The following PPFIA4 variants were observed in gnomAD, a reference collection of about 807,000 sequenced individuals.
PPFIA4 encodes liprin-alpha-4.
Under a neutral mutation model 145.7 loss-of-function variants are expected in PPFIA4, and 98 were observed. The observed-to-expected ratio is 0.67, with a 90% CI of 0.57 to 0.80. The LOEUF (loss-of-function observed/expected upper bound fraction) is 0.80, where lower values mean the gene tolerates loss of function less well. Ranked by LOEUF, PPFIA4 falls within the 30% of genes least tolerant of loss-of-function variation. The pLI is 0.00. For synonymous variants in PPFIA4, 628 were observed against 649.6 expected, an observed-to-expected ratio of 0.97 and a Z score of 0.51; for missense variants, 1,457 against 1,632.7, an observed-to-expected ratio of 0.89 and a Z score of 1.85.
Position 203,048,338 on chromosome 1 carries a change from C to A in PPFIA4, c.1224+28C>A. 3.1e-6 allele frequency: 5 copies of A among 1,603,134 alleles called. No individual in the cohort carries two copies. The highest frequency in any genetic ancestry group is 4.3e-6 in the Non-Finnish European group (5 of 1,174,736). On this transcript the variant is annotated intron_variant, in intron 10 of 29. Coordinates refer to ENST00000295706, the MANE Select transcript of PPFIA4 (RefSeq NM_001304331.2). The surrounding 1 kb of genome is among the most constrained non-coding windows in gnomAD (Gnocchi z 5.8). Reference sequence around the variant, plus strand: ...GAGGGCACCAGGCCGGGCCCTCAGGCCCCCTCCTTCCCGCAGGACAGGCTC... The same window carrying A: ...GAGGGCACCAGGCCGGGCCCTCAGGACCCCTCCTTCCCGCAGGACAGGCTC...
rs757844363 is a variant in PPFIA4 at position 203,046,233 on chromosome 1, C to A, written c.1006-15C>A. 1.3e-6 allele frequency: 2 copies of A among 1,580,438 alleles called. No homozygotes were observed. The highest frequency in any genetic ancestry group is 2.7e-5 in the African/African-American group (2 of 74,254). Reference sequence around the variant, plus strand: ...TGCTCCCTTTTGAATCACTTCACCACCCCCACATTGCTAGTGTGAGGAGAA... The same window carrying A: ...TGCTCCCTTTTGAATCACTTCACCAACCCCACATTGCTAGTGTGAGGAGAA... On this transcript the variant is annotated splice_polypyrimidine_tract_variant and intron_variant, in intron 8 of 29. Transcript: ENST00000295706.
chr1:203,045,289 C>T (rs1226293309), intron 6 of PPFIA4, 79 bp from the exon 7 acceptor site: 6 of 1,309,248 alleles, frequency 4.6e-6, no homozygotes, highest in African/African-American at 1.5e-5. Context: ...TGCTGTTCCT[C>T]CTTCCACCCC....
intron 25 of PPFIA4, among the ~76,000 whole-genome samples, chr1:203,066,976 G>A (rs897439847): frequency 2.0e-5 from 3 of 152,172 alleles, no homozygotes; most frequent in African/African-American, 7.2e-5. Flanking sequence ...AGAGGGATTG[G>A]GAGTATGGGC....
intron 7 of PPFIA4, 97 bp downstream of exon 7, chr1:203,045,656 T>C: frequency 6.9e-7 from 1 of 1,453,014 alleles, no homozygotes; most frequent in Non-Finnish European, 9.2e-7. Flanking sequence ...AACACCTGCC[T>C]CCTTGCCTGG....
intron 2 of PPFIA4, among the ~76,000 whole-genome samples, chr1:203,042,529 C>T (rs747367531): frequency 1.7e-4 from 26 of 152,226 alleles, no homozygotes; most frequent in Non-Finnish European, 3.2e-4. Context: ...CTTATTTCAC[C>T]CGCTACTTGC....
intron 25 of PPFIA4, 47 bp downstream of exon 25, chr1:203,064,050 C>A: frequency 3.2e-6 from 5 of 1,583,036 alleles, no homozygotes; most frequent in Non-Finnish European, 4.3e-6. Flanking sequence ...GGGGGCCTCC[C>A]CTAGCTCTGA....
At chr1:203,044,650 G>A (rs760286973) in intron 5 of PPFIA4, 46 bp from the exon 6 acceptor site, 40 of 1,509,446 alleles carry the variant, frequency 2.6e-5, no homozygotes, top group Non-Finnish European at 3.4e-5. Context: ...ATGTATGGGA[G>A]GTTCTCTTCT....
intron 27 of PPFIA4, among the ~76,000 whole-genome samples, chr1:203,070,271 G>T (rs1472680605): frequency 1.3e-5 from 2 of 151,978 alleles, no homozygotes; most frequent in Non-Finnish European, 2.9e-5. Flanking sequence ...ACCCAATACG[G>T]AATCCCTCAT....
intron 8 of PPFIA4, 107 bp downstream of exon 8, chr1:203,046,094 C>T: frequency 6.4e-7 from 1 of 1,566,486 alleles, no homozygotes; most frequent in Non-Finnish European, 8.7e-7. Flanking sequence ...TGCAGGTCAC[C>T]CTTTGAAAGG....
At chr1:203,061,784 G>C in intron 24 of PPFIA4, 106 bp downstream of exon 24, 1 of 1,227,244 alleles carries the variant, frequency 8.1e-7, no homozygotes, top group South Asian at 1.5e-5. Flanking sequence ...CATATGAAAA[G>C]CCCTGGACAT....
intron 1 of PPFIA4, among the ~76,000 whole-genome samples, chr1:203,031,989 A>G (rs1460819522): frequency 6.6e-6 from 1 of 151,370 alleles, no homozygotes; most frequent in Non-Finnish European, 1.5e-5. Flanking sequence ...TTACTTGTGT[A>G]GCATTCCCAG....
In PPFIA4 at chr1:203,054,051, C is replaced by G. The variant is rs1444298570; in HGVS notation, c.1829+90C>G. On this transcript the variant is annotated intron_variant, in intron 15 of 29. Transcript: ENST00000295706. ...AAACCCTATATGGGTTTGCCCAACT[C>G]TTATAGCTGCAACTTAGAGTACCAC... is the stretch of plus-strand genomic sequence containing the variant. The G allele has an allele frequency of 7.3e-6, 10 of 1,373,328 alleles. No homozygotes were observed. In the Admixed American group the frequency reaches 9.8e-5, roughly 14 times the overall value. 85.1% of individuals were successfully genotyped at this position (1,373,328 alleles called of 1,614,324 possible).
rs950640644 is a variant in PPFIA4 at position 203,035,628 on chromosome 1, T to C, written c.-399-2982T>C. On this transcript the variant is annotated intron_variant, in intron 1 of 29. Transcript: ENST00000295706. The stretch of plus-strand genomic sequence containing the variant: ...TTTGGGGACTGGCAGCTTTCGCCTC[T>C]GAATCAGGACCTGTGAGTGTTACTT... The C allele has an allele frequency of 1.3e-5, 6 of 456,788 alleles. No individual in the cohort carries two copies. In the East Asian group the frequency reaches 4.2e-4, roughly 32 times the overall value. The allele number at this position is 456,788 out of a possible 1,614,324, so 28.3% of individuals were successfully genotyped here.
Position 203,048,519 on chromosome 1 carries a change from C to T in PPFIA4, c.1225-64C>T. 1.3e-6 allele frequency: 2 copies of T among 1,549,788 alleles called. No homozygotes were observed. The highest frequency in any genetic ancestry group is 1.2e-5 in the South Asian group (1 of 84,018). On this transcript the variant is annotated intron_variant, in intron 10 of 29. Transcript: ENST00000295706. This position sits in a 1 kb window ranked among gnomAD's most constrained non-coding sequence, Gnocchi z 5.8. ...GAAGAGGACAGGGGAGGGAGTCAAA[C>T]CCCAGCAGGAGAGGGTGGTCCTCCC...
Position 203,053,951 on chromosome 1 carries a change from G to A in PPFIA4, c.1819G>A (p.Glu607Lys), listed in dbSNP as rs1239278160. ...GCAGGAGCAGCTGGATGCCATCAATGAGGAAATCAGGTTAGGGCAGGGCTG... is the reference window on the plus strand; with the variant it reads ...GCAGGAGCAGCTGGATGCCATCAATAAGGAAATCAGGTTAGGGCAGGGCTG... ...MLQEQLDAIN[E>K]EIRMIQEEKE... Residue 607 changes from glutamate (E) to lysine (K), a missense_variant, in exon 15 of 30, where the codon GAG becomes AAG. Physicochemically the swap from Glu to Lys is moderately conservative, Grantham distance 56. Transcript: ENST00000295706. 1 of 1,563,664 alleles carries A rather than the reference G, an allele frequency of 6.4e-7. No homozygotes were observed. Among genetic ancestry groups the A allele is most frequent in the Non-Finnish European group, 8.7e-7 (1 of 1,153,988 alleles).
In PPFIA4 at chr1:203,053,756, T is replaced by G. The variant is rs1291468650; in HGVS notation, c.1624T>G (p.Trp542Gly). The G allele has an allele frequency of 2.6e-6, 4 of 1,550,454 alleles. No homozygotes were observed. The highest frequency in any genetic ancestry group is 2.6e-6 in the Non-Finnish European group (3 of 1,147,032). The change falls in exon 15 of 30, where the codon TGG (tryptophan) becomes GGG (glycine). Residue 542 changes from tryptophan (W) to glycine (G), a missense_variant. Trp to Gly is a radical substitution (Grantham distance 184). Transcript: ENST00000295706. Reference sequence around the variant, plus strand: ...TTTACCCTCCTCCTTTGCTAAGGACTGGGAGACTTCTCCACTGCCTGGGAT... The same window carrying G: ...TTTACCCTCCTCCTTTGCTAAGGACGGGGAGACTTCTCCACTGCCTGGGAT... ...SALREESAKD[W>G]ETSPLPGMLA...
Position 203,055,616 on chromosome 1 carries a change from A to G in PPFIA4, c.2014A>G (p.Lys672Glu). The G allele has an allele frequency of 6.2e-7, 1 of 1,613,850 alleles. No homozygotes were observed. Among genetic ancestry groups the G allele is most frequent in the Non-Finnish European group, 8.5e-7 (1 of 1,179,834 alleles). ...ACCACTCAGCGGCCGCTCCACACCT[A>G]AGCTCACCTCCCGCAGTGCTGCCCA... is the stretch of plus-strand genomic sequence containing the variant. The part of the protein sequence containing the change: ...SPPLSGRSTP[K>E]LTSRSAAQDL... Residue 672 changes from lysine (K) to glutamate (E), a missense_variant, in exon 16 of 30, where the codon AAG becomes GAG. Physicochemically the swap from Lys to Glu is moderately conservative, Grantham distance 56. Coordinates refer to ENST00000295706, the MANE Select transcript of PPFIA4 (RefSeq NM_001304331.2). The surrounding 1 kb of genome is among the most constrained non-coding windows in gnomAD (Gnocchi z 4.8).
intron 1 of PPFIA4, among the ~76,000 whole-genome samples, chr1:203,032,438 TG>T (rs1223546728): frequency 1.3e-5 from 2 of 150,738 alleles, no homozygotes; most frequent in East Asian, 2.0e-4. Flanking sequence ...TTTTTGTTGT[TG>T]TTGTTGTTTT....
Position 203,048,643 on chromosome 1 carries a change from C to G in PPFIA4, c.1285C>G (p.Arg429Gly). The part of the protein sequence containing the change: ...HNKRLSDTVD[R>G]LLSESNERLQ... ...CAAGCGGCTGTCGGACACAGTGGAC[C>G]GGCTGCTCAGCGAGTCCAACGAGCG... Residue 429 changes from arginine to glycine, a missense_variant, in exon 11 of 30, where the codon CGG becomes GGG. By Grantham distance (125) the Arg-to-Gly change is moderately radical (BLOSUM62 -2). Around this residue, in one of 3 missense-constraint regions of PPFIA4, gnomAD observed 848 missense variants for 1,046.7 expected, o/e 0.81. Coordinates refer to ENST00000295706, the MANE Select transcript of PPFIA4 (RefSeq NM_001304331.2). This position sits in a 1 kb window ranked among gnomAD's most constrained non-coding sequence, Gnocchi z 5.8. The G allele has an allele frequency of 3.1e-6, 5 of 1,604,844 alleles. No homozygotes were observed. The highest frequency in any genetic ancestry group is 4.2e-6 in the Non-Finnish European group (5 of 1,176,702).
Sources: gnomAD v4.1 joint callset for allele counts (sites outside exome capture counted in the v4.1 genomes callset) on GRCh38, gnomAD v4.1.1 for gene constraint, gnomAD v4.1.1 regional missense constraint, Gnocchi (gnomAD v3.1) non-coding constraint, MANE v1.5 for transcripts, NCBI Gene and HGNC (gene_info 2026-07-23, HGNC 2026-07-21) for gene names.